ZNF564: variants seen among roughly 807,000 people sequenced by gnomAD.
ZNF564 encodes zinc finger protein 564.
In ZNF564, 5 loss-of-function variants were observed where a neutral mutation model predicts 10.5. The ratio of observed to expected loss-of-function variants is 0.48; its 90% CI spans 0.25 to 1.00. The LOEUF (loss-of-function observed/expected upper bound fraction) is 1.00, where lower values mean the gene tolerates loss of function less well. ZNF564 is among the 50% of genes least tolerant of loss of function. ZNF564 has a pLI of 0.16. For missense variants in ZNF564, 603 were observed against 669.7 expected, an observed-to-expected ratio of 0.90 and a Z score of 1.10; for synonymous variants, 242 against 218.1, an observed-to-expected ratio of 1.11 and a Z score of -0.97.
At chr19:12,529,252 T>A (rs915181232) in intron 1 of ZNF564, among the ~76,000 whole-genome samples, 1 of 152,176 alleles carries the variant, frequency 6.6e-6, no homozygotes, top group African/African-American at 2.4e-5. Flanking sequence ...ACAAGTTTTA[T>A]TGGTCTCTAA....
chr19:12,542,477 T>C (rs2022074946), intron 1 of ZNF564, among the ~76,000 whole-genome samples: 1 of 151,564 alleles, frequency 6.6e-6, no homozygotes, highest in Non-Finnish European at 1.5e-5. Context: ...AAAAATTAGC[T>C]GGGCATGATA....
intron 1 of ZNF564, among the ~76,000 whole-genome samples, chr19:12,529,605 C>CAAA (rs34144625): frequency 2.8e-3 from 419 of 147,068 alleles, no homozygotes; most frequent in Non-Finnish European, 4.4e-3. Context: ...GACTAAGTCT[C>CAAA]AAAAAAAAAA....
chr19:12,545,261 T>TAAA (rs1281457224), intron 1 of ZNF564, among the ~76,000 whole-genome samples: 1 of 74,918 alleles, frequency 1.3e-5, no homozygotes, highest in African/African-American at 6.9e-5. Flanking sequence ...AAATTCCGTC[T>TAAA]CAAAAAAAAA....
chr19:12,550,280 GA>G (rs1302535428), intron 1 of ZNF564: 1 of 146,714 alleles, frequency 6.8e-6, no homozygotes, highest in East Asian at 2.1e-4. Flanking sequence ...CAATAAGAGC[GA>G]AACTCTGTCT....
chr19:12,532,219 C>T (rs1049809897), intron 1 of ZNF564, among the ~76,000 whole-genome samples: 1 of 150,296 alleles, frequency 6.7e-6, no homozygotes, highest in Non-Finnish European at 1.5e-5. Context: ...AGACCTTCAT[C>T]TCTATAAAAA....
chr19:12,528,349 T>G lies in ZNF564; in HGVS notation c.146A>C (p.Asp49Ala). ...NLACVGKKWEDQSIEDWYKNQ... is the reference protein window; with the variant it reads ...NLACVGKKWEAQSIEDWYKNQ... ...TTTGTACCAATCTTCAATGCTCTGGTCTTCCCATTTTTTTCCTAAAATATA... is the reference window on the plus strand; with the variant it reads ...TTTGTACCAATCTTCAATGCTCTGGGCTTCCCATTTTTTTCCTAAAATATA... The change falls in exon 3 of 4, where the codon GAC (aspartate) becomes GCC (alanine). Residue 49 changes from aspartate to alanine, a missense_variant. Asp to Ala is a moderately radical substitution (Grantham distance 126). Transcript: ENST00000339282. 5 of 1,607,716 alleles carry G rather than the reference T, an allele frequency of 3.1e-6. No individual in the cohort carries two copies. Among genetic ancestry groups the G allele is most frequent in the Non-Finnish European group, 4.2e-6 (5 of 1,178,620 alleles).
intron 1 of ZNF564, among the ~76,000 whole-genome samples, chr19:12,538,095 A>G (rs1346231905): frequency 2.0e-5 from 3 of 152,142 alleles, no homozygotes; most frequent in African/African-American, 7.2e-5. Flanking sequence ...AGAATAAAAA[A>G]TAATAGTAAG....
chr19:12,539,411 G>A (rs964516535), intron 1 of ZNF564, among the ~76,000 whole-genome samples: 5 of 151,280 alleles, frequency 3.3e-5, no homozygotes, highest in African/African-American at 1.2e-4. Context: ...TGTAATTCCA[G>A]CACTTTGGGA....
Position 12,526,315 on chromosome 19 carries a change from T to C in ZNF564, c.*131A>G. On this transcript the variant is annotated 3_prime_UTR_variant, in exon 4 of 4. Transcript: ENST00000339282. ...TCCAAAATATGAGACAGGCACAGGA[T>C]AGAGATTCCTATTCCAAAAGTGAGA... 9 of 946,522 alleles carry C rather than the reference T, an allele frequency of 9.5e-6. No homozygotes were observed. Among genetic ancestry groups the C allele is most frequent in the East Asian group, 2.5e-5 (1 of 39,706 alleles). The allele number at this position is 946,522 out of a possible 1,614,324, so 58.6% of individuals were successfully genotyped here. A position where few individuals can be genotyped will look rare whatever the true frequency, so the allele number is the denominator to read the frequency against.
At chr19:12,546,571 C>CA (rs903533658) in intron 1 of ZNF564, among the ~76,000 whole-genome samples, 21 of 148,440 alleles carry the variant, frequency 1.4e-4, no homozygotes, top group Middle Eastern at 3.4e-3. Flanking sequence ...ACTAAAAATA[C>CA]AAAAAAAAAA....
At chr19:12,528,760 C>T (rs756579801) in intron 1 of ZNF564, 64 bp from the exon 2 acceptor site, 320 of 1,534,894 alleles carry the variant, frequency 2.1e-4, no homozygotes, top group Non-Finnish European at 2.7e-4. Flanking sequence ...GATGTAAACC[C>T]AATTCATAAA....
At position 12,528,327 on chromosome 19, in the gene ZNF564, G is replaced by C; in HGVS notation, c.168C>G (p.Tyr56Ter). The change falls in exon 3 of 4, where the codon TAC becomes TAG. Residue 56 changes from tyrosine to a stop codon, truncating the protein, a stop_gained. Coordinates refer to ENST00000339282, the MANE Select transcript of ZNF564 (RefSeq NM_144976.4). LOFTEE classifies it low-confidence loss of function (END_TRUNC). ...ACCTTAAAATTCTCCCCTGATTTTT[G>C]TACCAATCTTCAATGCTCTGGTCTT... ...KWEDQSIEDW[Y>*]KNQGRILRNH... 1 of 1,610,124 alleles carries C rather than the reference G, an allele frequency of 6.2e-7. No homozygotes were observed. Among genetic ancestry groups the C allele is most frequent in the South Asian group, 1.1e-5 (1 of 90,280 alleles).
At chr19:12,548,712 A>G (rs77193388) in intron 1 of ZNF564, 116 of 690,256 alleles carry the variant, frequency 1.7e-4, no homozygotes, top group Middle Eastern at 3.4e-4. Context: ...GAGACCTCAC[A>G]TTATTGTTAC....
chr19:12,529,590 A>G (rs1442848783), intron 1 of ZNF564, among the ~76,000 whole-genome samples: 1 of 130,846 alleles, frequency 7.6e-6, no homozygotes, highest in African/African-American at 2.7e-5. Context: ...TGGAGGACAG[A>G]GAGAGACTAA....
intron 1 of ZNF564, among the ~76,000 whole-genome samples, chr19:12,542,094 G>A (rs533200356): frequency 6.6e-6 from 1 of 151,296 alleles, no homozygotes; most frequent in Non-Finnish European, 1.5e-5. Flanking sequence ...CACTTTGGGA[G>A]GCTAAGGTGT....
intron 1 of ZNF564, among the ~76,000 whole-genome samples, chr19:12,538,162 T>C (rs2021956514): frequency 6.6e-6 from 1 of 152,064 alleles, no homozygotes; most frequent in African/African-American, 2.4e-5. Flanking sequence ...ACATTTACAC[T>C]GTTAATATAT....
In ZNF564 at chr19:12,540,511, G is replaced by A. The variant is rs139964059; in HGVS notation, c.3+10819C>T. Among the ~76,000 whole-genome samples the A allele has an allele frequency of 7.1e-3, 1,079 of 152,198 alleles. 14 individuals carry two copies. Among genetic ancestry groups the A allele is most frequent in the African/African-American group, 0.024 (1,008 of 41,550 alleles). ...GAGGCGGACAGATCAGTTGAGGTCA[G>A]GAGTTCGAGACCAGTCTGGCCAACA... is the stretch of plus-strand genomic sequence containing the variant. On this transcript the variant is annotated intron_variant, in intron 1 of 3. Coordinates refer to ENST00000339282, the MANE Select transcript of ZNF564 (RefSeq NM_144976.4).
At chr19:12,528,725 A>G (rs764577192) in intron 1 of ZNF564, 29 bp from the exon 2 acceptor site, 2 of 1,595,788 alleles carry the variant, frequency 1.3e-6, no homozygotes, top group Non-Finnish European at 8.5e-7. Context: ...GCAATGCAGG[A>G]GGAAGAATGA....
intron 1 of ZNF564, among the ~76,000 whole-genome samples, chr19:12,544,514 A>G (rs899107353): frequency 1.3e-5 from 2 of 151,908 alleles, no homozygotes; most frequent in African/African-American, 4.8e-5. Context: ...GCCTCCTCCC[A>G]TTTCCTCCAT....
Sources: gnomAD v4.1 joint callset for allele counts (sites outside exome capture counted in the v4.1 genomes callset) on GRCh38, gnomAD v4.1.1 for gene constraint, MANE v1.5 for transcripts, NCBI Gene and HGNC (gene_info 2026-07-23, HGNC 2026-07-21) for gene names.